The following GALNT18 variants were observed in gnomAD, a reference collection of about 807,000 sequenced individuals.
GALNT18 encodes the protein GalNAc-transferase 18.
In GALNT18, 44 loss-of-function variants were observed where a neutral mutation model predicts 69.5. That is an observed-to-expected ratio of 0.63 (90% CI 0.50 to 0.81). The LOEUF is 0.81. Among genes scored for constraint, GALNT18 ranks in the 40% least tolerant of loss-of-function variants. The pLI is 0.00. For synonymous variants in GALNT18, 364 were observed against 318.2 expected (o/e 1.14, Z -1.53); for missense variants, 715 against 810.0 (o/e 0.88, Z 1.42).
intron 1 of GALNT18, among the ~76,000 whole-genome samples, chr11:11,482,442 T>C (rs1219882347): frequency 6.6e-6 from 1 of 152,236 alleles, no homozygotes; most frequent in Non-Finnish European, 1.5e-5. Flanking sequence ...GCTTGGACTG[T>C]TCTGCAATGA....
Position 11,583,937 on chromosome 11 carries a change from C to T in GALNT18, c.235+37422G>A, listed in dbSNP as rs1859153964. ...TATGGTCTTAGACAAGTCAACGGCTCCCCACAAGATGAAAGCACAAGGTCA... is the reference window on the plus strand; with the variant it reads ...TATGGTCTTAGACAAGTCAACGGCTTCCCACAAGATGAAAGCACAAGGTCA... On this transcript the variant is annotated intron_variant, in intron 1 of 10. Coordinates refer to ENST00000227756, the MANE Select transcript of GALNT18 (RefSeq NM_198516.3). The surrounding 1 kb of genome is among the most constrained non-coding windows in gnomAD (Gnocchi z 4.7). Among the ~76,000 whole-genome samples the T allele has an allele frequency of 6.6e-6, 1 of 152,032 alleles. No homozygotes were observed. Among genetic ancestry groups the T allele is most frequent in the South Asian group, 2.1e-4 (1 of 4,818 alleles).
At chr11:11,354,746 C>G (rs1404597833) in intron 6 of GALNT18, among the ~76,000 whole-genome samples, 2 of 152,132 alleles carry the variant, frequency 1.3e-5, no homozygotes, top group Non-Finnish European at 2.9e-5. Context: ...GATTTATATA[C>G]CCAAGTGCCT....
Position 11,583,726 on chromosome 11 carries a change from C to T in GALNT18, c.235+37633G>A, listed in dbSNP as rs759838471. On this transcript the variant is annotated intron_variant, in intron 1 of 10. Coordinates refer to ENST00000227756, the MANE Select transcript of GALNT18 (RefSeq NM_198516.3). The surrounding 1 kb of genome is among the most constrained non-coding windows in gnomAD (Gnocchi z 4.7). ...ACCACATACGTGGTCAGGGAAAATG[C>T]TTAAAGCTTCAGCTCCTTTCAGAAA... 2.6e-5 allele frequency among the ~76,000 whole-genome samples: 4 copies of T among 152,060 alleles called. No individual in the cohort carries two copies. The highest frequency in any genetic ancestry group is 5.9e-5 in the Non-Finnish European group (4 of 68,020).
chr11:11,304,007 C>T (rs1481048911), intron 9 of GALNT18, among the ~76,000 whole-genome samples: 1 of 152,190 alleles, frequency 6.6e-6, no homozygotes, highest in Non-Finnish European at 1.5e-5. Context: ...ATGGTCTATG[C>T]TCTGGGACTC....
At chr11:11,367,138 C>G (rs1850790873) in intron 6 of GALNT18, among the ~76,000 whole-genome samples, 2 of 152,146 alleles carry the variant, frequency 1.3e-5, no homozygotes, top group Admixed American at 1.3e-4. Context: ...CAGAATCACT[C>G]ACAGCGAGGG....
chr11:11,313,617 C>T (rs1849704250), intron 9 of GALNT18, among the ~76,000 whole-genome samples: 2 of 152,128 alleles, frequency 1.3e-5, no homozygotes, highest in South Asian at 4.1e-4. Context: ...AGAGCAGGGG[C>T]CACATGTTTA....
At position 11,448,787 on chromosome 11, in the gene GALNT18, G is replaced by A. The variant is rs377131654; in HGVS notation, c.385C>T (p.Arg129Cys). Residue 129 changes from arginine (R) to cysteine (C), a missense_variant, in exon 2 of 11, where the codon CGC (arginine) becomes TGC (cysteine). Coordinates refer to ENST00000227756, the MANE Select transcript of GALNT18 (RefSeq NM_198516.3). ...YYGYNAYLSDRLPLDRPLPDL... is the reference protein window; with the variant it reads ...YYGYNAYLSDCLPLDRPLPDL... ...GGCAGGGGCCGGTCCAGGGGCAGGC[G>A]GTCGCTGAGGTAGGCGTTGTAGCCG... 6.8e-6 allele frequency: 11 copies of A among 1,612,782 alleles called. No individual in the cohort carries two copies. Among genetic ancestry groups the A allele is most frequent in the African/African-American group, 4.0e-5 (3 of 74,944 alleles).
At position 11,337,156 on chromosome 11, in the gene GALNT18, T is replaced by G. The variant is rs945160087; in HGVS notation, c.1278+3663A>C. The stretch of plus-strand genomic sequence containing the variant: ...CTGAGGATGAGACCCAGATGAGTAT[T>G]TTTTTAAAAGTTCTTCAAGCGATTC... On this transcript the variant is annotated intron_variant, in intron 7 of 10. Transcript: ENST00000227756. The surrounding 1 kb of genome is among the most constrained non-coding windows in gnomAD (Gnocchi z 4.9). 6.6e-6 allele frequency among the ~76,000 whole-genome samples: 1 copy of G among 152,110 alleles called. No individual in the cohort carries two copies. Among genetic ancestry groups the G allele is most frequent in the Non-Finnish European group, 1.5e-5 (1 of 68,014 alleles).
chr11:11,285,302 C>T (rs1440517123), intron 10 of GALNT18, among the ~76,000 whole-genome samples: 1 of 152,166 alleles, frequency 6.6e-6, no homozygotes, highest in Non-Finnish European at 1.5e-5. Flanking sequence ...CTCTCCATGC[C>T]TCAGTTTCCT....
chr11:11,427,489 C>T lies in GALNT18; in HGVS notation c.595+5132G>A, dbSNP rs1008489325. ...AGGCTTAGTGAGGAAGACATTCCGA[C>T]GGCTCTGCTCGGCTGAGTAATTTAG... is the stretch of plus-strand genomic sequence containing the variant. On this transcript the variant is annotated intron_variant, in intron 3 of 10. Coordinates refer to ENST00000227756, the MANE Select transcript of GALNT18 (RefSeq NM_198516.3). Among the ~76,000 whole-genome samples, 61 of 152,314 alleles carry T rather than the reference C, an allele frequency of 4.0e-4. 2 individuals are homozygous for T. The highest frequency in any genetic ancestry group is 1.3e-3 in the African/African-American group (56 of 41,548).
At chr11:11,297,117 G>T (rs1849415644) in intron 9 of GALNT18, among the ~76,000 whole-genome samples, 1 of 152,134 alleles carries the variant, frequency 6.6e-6, no homozygotes, top group Non-Finnish European at 1.5e-5. Flanking sequence ...GATGGTGGGG[G>T]TGGTAGGAGG....
intron 10 of GALNT18, among the ~76,000 whole-genome samples, chr11:11,275,150 C>G (rs1281447107): frequency 6.6e-6 from 1 of 152,226 alleles, no homozygotes; most frequent in African/African-American, 2.4e-5. Flanking sequence ...AACTAATTTA[C>G]ACTCCCACCA....
At chr11:11,303,503 A>G (rs1040802555) in intron 9 of GALNT18, among the ~76,000 whole-genome samples, 2 of 152,066 alleles carry the variant, frequency 1.3e-5, no homozygotes, top group African/African-American at 4.8e-5. Flanking sequence ...ATGCTGGCCC[A>G]TGGCTAGCTA....
At chr11:11,328,797 G>C (rs1005146198) in intron 8 of GALNT18, among the ~76,000 whole-genome samples, 3 of 152,178 alleles carry the variant, frequency 2.0e-5, no homozygotes, top group African/African-American at 7.2e-5. Context: ...CCCATGAAGA[G>C]GTGGGTGTCA....
rs1389253747 is a variant in GALNT18, at chr11:11,310,277, C to T, written c.1512+16809G>A. Among the ~76,000 whole-genome samples the T allele has an allele frequency of 5.3e-5, 8 of 152,200 alleles. No individual in the cohort carries two copies. In the East Asian group the frequency reaches 5.8e-4, roughly 11 times the overall value. On this transcript the variant is annotated intron_variant, in intron 9 of 10. Transcript: ENST00000227756. ...CCACCCAAGAAGCCCCCAGAGGGTGCGAGAAGGGGAACACTGGCTCATTCC... is the reference window on the plus strand; with the variant it reads ...CCACCCAAGAAGCCCCCAGAGGGTGTGAGAAGGGGAACACTGGCTCATTCC...
chr11:11,594,089 G>GT (rs1294815678), intron 1 of GALNT18, among the ~76,000 whole-genome samples: 1 of 152,196 alleles, frequency 6.6e-6, no homozygotes, highest in African/African-American at 2.4e-5. Flanking sequence ...GTGCATTTGT[G>GT]TATCTATACA....
intron 6 of GALNT18, among the ~76,000 whole-genome samples, chr11:11,350,905 G>A (rs2133066324): frequency 6.6e-6 from 1 of 152,276 alleles, no homozygotes. Flanking sequence ...AGCAAAATAG[G>A]ACATTTCCTG....
intron 10 of GALNT18, among the ~76,000 whole-genome samples, chr11:11,279,644 A>AAT: frequency 6.6e-6 from 1 of 152,318 alleles, no homozygotes; most frequent in Non-Finnish European, 1.5e-5. Flanking sequence ...AGCCAGACAA[A>AAT]ATACAAACAA....
chr11:11,493,663 C>T (rs1856817256), intron 1 of GALNT18, among the ~76,000 whole-genome samples: 1 of 152,102 alleles, frequency 6.6e-6, no homozygotes, highest in Admixed American at 6.5e-5. Flanking sequence ...GAAAAAAAGC[C>T]ATGAGGTACA....
Sources: gnomAD v4.1 joint callset for allele counts (sites outside exome capture counted in the v4.1 genomes callset) on GRCh38, gnomAD v4.1.1 for gene constraint, Gnocchi (gnomAD v3.1) non-coding constraint, MANE v1.5 for transcripts, NCBI Gene and HGNC (gene_info 2026-07-23, HGNC 2026-07-21) for gene names.